The following NOTUM variants were observed in gnomAD, a reference collection of about 807,000 sequenced individuals.
NOTUM encodes palmitoleoyl-protein carboxylesterase NOTUM.
NOTUM carries 36 observed loss-of-function variants against 65.5 expected under a neutral mutation model. The ratio of observed to expected loss-of-function variants is 0.55; its 90% CI spans 0.42 to 0.73. The LOEUF (loss-of-function observed/expected upper bound fraction) is 0.73, where lower values mean the gene tolerates loss of function less well. Ranked by LOEUF, NOTUM falls within the 30% of genes least tolerant of loss-of-function variation. The pLI is 0.00. For missense variants in NOTUM, 659 were observed against 694.2 expected, an observed-to-expected ratio of 0.95 and a Z score of 0.57; for synonymous variants, 356 against 297.9, an observed-to-expected ratio of 1.20 and a Z score of -2.01.
At position 81,960,473 on chromosome 17, in the gene NOTUM, G is replaced by C. The variant is rs2041466173; in HGVS notation, c.323+114C>G. On this transcript the variant is annotated intron_variant, in intron 1 of 10. Transcript: ENST00000409678. The surrounding 1 kb of genome is among the most constrained non-coding windows in gnomAD (Gnocchi z 6.4). Reference sequence around the variant, plus strand: ...CTCCTCGGGGCCAGGACCGCGGGGCGCCCGACGGAAGCCCTTTCTCCCCGG... The same window carrying C: ...CTCCTCGGGGCCAGGACCGCGGGGCCCCCGACGGAAGCCCTTTCTCCCCGG... 2 of 712,712 alleles carry C rather than the reference G, an allele frequency of 2.8e-6. No individual in the cohort carries two copies. The highest frequency in any genetic ancestry group is 4.5e-5 in the South Asian group (2 of 44,410). The allele number at this position is 712,712 out of a possible 1,614,324, so 44.1% of individuals were successfully genotyped here.
Position 81,959,644 on chromosome 17 carries a change from C to T in NOTUM, c.372G>A (p.Leu124=). Residue 124 remains leucine, a synonymous_variant, in exon 2 of 11, where the codon CTG becomes CTA. Transcript: ENST00000409678. ...CCGCCTCAGCCCTGGACGCACCTTC[C>T]AGGAAGAGGAGCCACCGCCGGCTGC... ...SRGSRRWLLF[L]EGGWYCFNRE... is the part of the protein sequence containing the mutation. The T allele has an allele frequency of 6.5e-7, 1 of 1,544,572 alleles. No homozygotes were observed. Among genetic ancestry groups the T allele is most frequent in the Non-Finnish European group, 8.7e-7 (1 of 1,145,288 alleles).
chr17:81,955,155 A>G (rs1421880472), intron 9 of NOTUM, among the ~76,000 whole-genome samples: 3 of 151,794 alleles, frequency 2.0e-5, no homozygotes, highest in Non-Finnish European at 4.4e-5. Context: ...AATTTTTTGC[A>G]TATTTTGTGG....
intron 5 of NOTUM, 73 bp downstream of exon 5, chr17:81,958,262 G>T: frequency 2.0e-6 from 2 of 1,015,402 alleles, no homozygotes; most frequent in Non-Finnish European, 3.1e-6. Flanking sequence ...CTGCCCTGCC[G>T]TCCTGCCTCC....
At chr17:81,956,836 C>T (rs777392133) in intron 7 of NOTUM, 47 bp downstream of exon 7, 1 of 1,597,972 alleles carries the variant, frequency 6.3e-7, no homozygotes, top group Non-Finnish European at 8.5e-7. Context: ...CCAGGCCCTT[C>T]TGGGGCAAAG....
At chr17:81,953,597 G>GTT (rs898489279) in intron 10 of NOTUM, among the ~76,000 whole-genome samples, 1 of 151,842 alleles carries the variant, frequency 6.6e-6, no homozygotes, top group Non-Finnish European at 1.5e-5. Flanking sequence ...TCTAGCCTGG[G>GTT]TTTTTTTGTT....
chr17:81,954,396 C>T, intron 9 of NOTUM, 93 bp from the exon 10 acceptor site: 1 of 857,142 alleles, frequency 1.2e-6, no homozygotes, highest in South Asian at 1.6e-5. Context: ...GCCTGGCCAT[C>T]ACCCCTTCCT....
At position 81,955,272 on chromosome 17, in the gene NOTUM, C is replaced by T. The variant is rs1295627605; in HGVS notation, c.1136+125G>A. ...CTGGGATTATAGGTGTGAGTCACTG[C>T]GCCCGGCCTACAAGACCTCTATTTT... On this transcript the variant is annotated intron_variant, in intron 9 of 10. Transcript: ENST00000409678. 13 of 856,502 alleles carry T rather than the reference C, an allele frequency of 1.5e-5. 1 individual carries two copies. The highest frequency in any genetic ancestry group is 9.0e-5 in the South Asian group (5 of 55,346). The allele number at this position is 856,502 out of a possible 1,614,324, so 53.1% of individuals were successfully genotyped here.
intron 3 of NOTUM, 109 bp downstream of exon 3, chr17:81,959,362 A>G (rs2143948441): frequency 2.4e-6 from 2 of 842,368 alleles, no homozygotes; most frequent in Admixed American, 5.1e-5. Flanking sequence ...CCCGGGCGCC[A>G]GGCTGGGCAT....
chr17:81,959,668 G>A lies in NOTUM; in HGVS notation c.348C>T (p.Gly116=). The change falls in exon 2 of 11, where the codon GGC becomes GGT. Residue 116 remains glycine (G), a synonymous_variant. Coordinates refer to ENST00000409678, the MANE Select transcript of NOTUM (RefSeq NM_178493.6). ...CCAGGAAGAGGAGCCACCGCCGGCT[G>A]CCCCTGGACTCCTTCAGGTAGTAGC... ...PAGYYLKESR[G]SRRWLLFLEG... 2.6e-6 allele frequency: 4 copies of A among 1,542,454 alleles called. No individual in the cohort carries two copies. Among genetic ancestry groups the A allele is most frequent in the Non-Finnish European group, 3.5e-6 (4 of 1,144,850 alleles).
At chr17:81,954,938 TCTCTCTCTCTCTCTCTCTCTC>T (rs896808573) in intron 9 of NOTUM, among the ~76,000 whole-genome samples, 1 of 75,412 alleles carries the variant, frequency 1.3e-5, no homozygotes, top group African/African-American at 1.1e-4. Flanking sequence ...TCGATCTCTC[TCTCTCTCTCTCTCTCTCTCTC>T]CTCTCTCTCT....
chr17:81,961,069 G>GCGGCTCGGCGTCGAGGCGCT lies in NOTUM; in HGVS notation c.-180_-161dup, dbSNP rs1186986051. 5.0e-6 allele frequency: 1 copy of GCGGCTCGGCGTCGAGGCGCT among 199,530 alleles called. No homozygotes were observed. The highest frequency in any genetic ancestry group is 2.4e-5 in the African/African-American group (1 of 41,854). 12.4% of individuals were successfully genotyped at this position (199,530 alleles called of 1,614,324 possible). A position where few individuals can be genotyped will look rare whatever the true frequency, so the allele number is the denominator to read the frequency against. On this transcript the variant is annotated 5_prime_UTR_variant, in exon 1 of 11. Coordinates refer to ENST00000409678, the MANE Select transcript of NOTUM (RefSeq NM_178493.6). The stretch of plus-strand genomic sequence containing the variant: ...GCCGGGCCTGGCGGAGAAGGCGCGC[G>GCGGCTCGGCGTCGAGGCGCT]CGGCTCGGCGTCGAGGCGCTCGGGG...
intron 3 of NOTUM, 96 bp from the exon 4 acceptor site, chr17:81,959,091 C>T (rs1247527324): frequency 6.7e-6 from 7 of 1,051,172 alleles, no homozygotes; most frequent in Admixed American, 3.6e-5. Flanking sequence ...CCTACTTGGC[C>T]CCAGGAAGGG....
Position 81,961,031 on chromosome 17 carries a change from C to T in NOTUM, c.-122G>A. ...CACTGGCCGCTCCTGCTCCCTCGCCCCCGCTCCCGCCCGCCGGGCCTGGCG... is the reference window on the plus strand; with the variant it reads ...CACTGGCCGCTCCTGCTCCCTCGCCTCCGCTCCCGCCCGCCGGGCCTGGCG... On this transcript the variant is annotated 5_prime_UTR_variant, in exon 1 of 11. Coordinates refer to ENST00000409678, the MANE Select transcript of NOTUM (RefSeq NM_178493.6). 3.0e-6 allele frequency: 1 copy of T among 329,932 alleles called. No homozygotes were observed. The allele number at this position is 329,932 out of a possible 1,614,324, so 20.4% of individuals were successfully genotyped here.
chr17:81,959,120 A>G (rs1318000126), intron 3 of NOTUM, 125 bp from the exon 4 acceptor site: 2 of 812,636 alleles, frequency 2.5e-6, no homozygotes. Context: ...TGGTGTTGCT[A>G]GCCCGAACCA....
chr17:81,957,102 G>C (rs1177530070), intron 6 of NOTUM, 28 bp from the exon 7 acceptor site: 2 of 1,574,604 alleles, frequency 1.3e-6, no homozygotes, highest in East Asian at 2.2e-5. Context: ...CGTGAGGCCA[G>C]GTGGCTGGGA....
At chr17:81,953,764 G>A (rs1013480489) in intron 10 of NOTUM, among the ~76,000 whole-genome samples, 1 of 146,208 alleles carries the variant, frequency 6.8e-6, no homozygotes, top group Non-Finnish European at 1.5e-5. Flanking sequence ...CCACTGCTCA[G>A]CCTGAGTCTT....
rs1240789762 is a variant in NOTUM at position 81,960,455 on chromosome 17, G to T, written c.323+132C>A. ...GAGTCACCGAACCGGGCACTCCTCG[G>T]GGCCAGGACCGCGGGGCGCCCGACG... On this transcript the variant is annotated intron_variant, in intron 1 of 10. Transcript: ENST00000409678. The surrounding 1 kb of genome is among the most constrained non-coding windows in gnomAD (Gnocchi z 6.4). 1.6e-6 allele frequency: 1 copy of T among 610,048 alleles called. No individual in the cohort carries two copies. Among genetic ancestry groups the T allele is most frequent in the African/African-American group, 2.0e-5 (1 of 51,074 alleles). 37.8% of individuals were successfully genotyped at this position (610,048 alleles called of 1,614,324 possible). A position where few individuals can be genotyped will look rare whatever the true frequency, so the allele number is the denominator to read the frequency against.
Position 81,960,637 on chromosome 17 carries a change from C to A in NOTUM, c.273G>T (p.Leu91=), listed in dbSNP as rs773476965. The A allele has an allele frequency of 1.3e-6, 2 of 1,555,324 alleles. No individual in the cohort carries two copies. The highest frequency in any genetic ancestry group is 8.7e-7 in the Non-Finnish European group (1 of 1,146,278). ...SAQQLNEDLR[L]HLLLNTSVTC... ...TCACCGAGGTGTTGAGTAGGAGGTG[C>A]AGGCGCAGGTCCTCGTTGAGCTGCT... The change falls in exon 1 of 11, where the codon CTG becomes CTT. Residue 91 remains leucine, a synonymous_variant. Transcript: ENST00000409678. This position sits in a 1 kb window ranked among gnomAD's most constrained non-coding sequence, Gnocchi z 6.4.
rs1235536261 is a variant in NOTUM, at chr17:81,960,877, C to A, written c.33G>T (p.Leu11=). 1.4e-6 allele frequency: 2 copies of A among 1,379,376 alleles called. No individual in the cohort carries two copies. The highest frequency in any genetic ancestry group is 3.3e-5 in the South Asian group (2 of 61,242). 85.4% of individuals were successfully genotyped at this position (1,379,376 alleles called of 1,614,324 possible). A position where few individuals can be genotyped will look rare whatever the true frequency, so the allele number is the denominator to read the frequency against. The part of the protein sequence containing the change: MGRGVRVLLL[L]SLLHCAGGSE... ...TGCCCCCGGCGCAGTGCAGCAGGCT[C>A]AGCAGCAGCAGCACGCGCACCCCTC... is the stretch of plus-strand genomic sequence containing the variant. The change falls in exon 1 of 11, where the codon CTG becomes CTT. Residue 11 remains leucine (L), a synonymous_variant. Transcript: ENST00000409678. The surrounding 1 kb of genome is among the most constrained non-coding windows in gnomAD (Gnocchi z 6.4).
Sources: allele counts gnomAD v4.1 joint callset (sites outside exome capture counted in the v4.1 genomes callset), GRCh38; gene constraint gnomAD v4.1.1; non-coding constraint Gnocchi (gnomAD v3.1); transcripts MANE v1.5; gene names NCBI Gene and HGNC (gene_info 2026-07-23, HGNC 2026-07-21).